The following ARHGAP18 variants were observed in gnomAD, a reference collection of about 807,000 sequenced individuals.
ARHGAP18 encodes rho GTPase-activating protein 18.
Under a neutral mutation model 86.2 loss-of-function variants are expected in ARHGAP18, and 67 were observed. The ratio of observed to expected loss-of-function variants is 0.78; its 90% confidence interval spans 0.64 to 0.95. ARHGAP18 has a LOEUF of 0.95. ARHGAP18 is among the 40% of genes least tolerant of loss of function. ARHGAP18 has a pLI of 0.00. For synonymous variants in ARHGAP18, 283 were observed against 280.4 expected, an observed-to-expected ratio of 1.01 and a Z score of -0.09; for missense variants, 691 against 780.4, an observed-to-expected ratio of 0.89 and a Z score of 1.37.
intron 6 of ARHGAP18, among the ~76,000 whole-genome samples, chr6:129,617,474 C>A (rs1170528855): frequency 6.6e-6 from 1 of 152,132 alleles, no homozygotes; most frequent in East Asian, 1.9e-4. Context: ...GGAAAAGATG[C>A]AATCTCAAGG....
intron 1 of ARHGAP18, among the ~76,000 whole-genome samples, chr6:129,673,067 A>G (rs1200317497): frequency 6.6e-6 from 1 of 152,196 alleles, no homozygotes; most frequent in Non-Finnish European, 1.5e-5. Flanking sequence ...TGAATACACC[A>G]ATGACTCATT....
intron 1 of ARHGAP18, among the ~76,000 whole-genome samples, chr6:129,655,618 G>C (rs1011393365): frequency 6.6e-6 from 1 of 151,226 alleles, no homozygotes; most frequent in Non-Finnish European, 1.5e-5. Flanking sequence ...TTTAACTCAG[G>C]TGTTTGAGGG....
intron 12 of ARHGAP18, among the ~76,000 whole-genome samples, chr6:129,585,346 C>T (rs1788375569): frequency 1.3e-5 from 2 of 151,854 alleles, no homozygotes; most frequent in South Asian, 4.2e-4. Flanking sequence ...ACAACAGATG[C>T]CACTAATTTG....
chr6:129,667,208 C>T (rs1187521657), intron 1 of ARHGAP18, among the ~76,000 whole-genome samples: 2 of 150,792 alleles, frequency 1.3e-5, no homozygotes, highest in African/African-American at 4.9e-5. Flanking sequence ...ATTTTTTTTT[C>T]CCATGGAATA....
At chr6:129,686,978 C>CTTTTTTTTTTTTTT (rs71028176) in intron 1 of ARHGAP18, among the ~76,000 whole-genome samples, 9 of 106,932 alleles carry the variant, frequency 8.4e-5, no homozygotes, top group East Asian at 2.6e-4. Context: ...TTTTTTTTTT[C>CTTTTTTTTTTTTTT]TTTTTTTTTT....
chr6:129,642,549 A>G (rs1192702075), intron 1 of ARHGAP18, among the ~76,000 whole-genome samples: 3 of 151,456 alleles, frequency 2.0e-5, no homozygotes, highest in African/African-American at 4.9e-5. Context: ...TCCCACCTCA[A>G]CCTCCCAAAG....
chr6:129,642,108 A>G (rs1773480700), intron 1 of ARHGAP18, 90 bp from the exon 2 acceptor site: 1 of 1,143,176 alleles, frequency 8.7e-7, no homozygotes, highest in Non-Finnish European at 1.3e-6. Context: ...TGGAGAATTT[A>G]TTAACTCCTT....
intron 1 of ARHGAP18, among the ~76,000 whole-genome samples, chr6:129,646,516 G>A (rs1033575536): frequency 4.6e-5 from 7 of 152,160 alleles, no homozygotes; most frequent in Middle Eastern, 6.8e-3. Flanking sequence ...TTATGTAGGC[G>A]ATATCTACTG....
At chr6:129,667,862 G>C (rs1385926802) in intron 1 of ARHGAP18, among the ~76,000 whole-genome samples, 4 of 152,082 alleles carry the variant, frequency 2.6e-5, no homozygotes, top group Non-Finnish European at 5.9e-5. Flanking sequence ...AATCAAGAAG[G>C]GAGAGGAGGG....
chr6:129,584,016 C>T lies in ARHGAP18; in HGVS notation c.1810G>A (p.Val604Ile), dbSNP rs1788340803. ...TCTTGGCTGAGAAACCTGGCAAGTA[C>T]ATCACTGGCTTTTAGTTCTTCAGTT... The part of the protein sequence containing the change: ...QLTEELKASD[V>I]LARFLSQESG... The change falls in exon 13 of 15, where the codon GTA (valine) becomes ATA (isoleucine). Residue 604 changes from valine (V) to isoleucine (I), a missense_variant. Physicochemically the swap from Val to Ile is conservative, Grantham distance 29 (BLOSUM62 3). Coordinates refer to ENST00000368149, the MANE Select transcript of ARHGAP18 (RefSeq NM_033515.3). The T allele has an allele frequency of 2.5e-6, 4 of 1,613,392 alleles. No individual in the cohort carries two copies. The African/African-American group carries it at 4.0e-5, about 16-fold the overall frequency.
At chr6:129,629,251 A>C (rs71543162) in intron 5 of ARHGAP18, 102 bp downstream of exon 5, 136,643 of 729,262 alleles carry the variant, frequency 0.19, 11,630 homozygotes, top group Middle Eastern at 0.23. Flanking sequence ...CTCTCTCTAT[A>C]TATATATATA....
chr6:129,606,200 G>A lies in ARHGAP18; in HGVS notation c.1283-241C>T, dbSNP rs188754323. On this transcript the variant is annotated intron_variant, in intron 9 of 14. Transcript: ENST00000368149. ...TTCCAACTGTGATCATATGACGTGC[G>A]GCCTTATGTTTGCAGACACACAACA... Among the ~76,000 whole-genome samples the A allele has an allele frequency of 4.3e-3, 649 of 152,198 alleles. 2 individuals carry two copies. The highest frequency in any genetic ancestry group is 0.014 in the African/African-American group (577 of 41,536).
At chr6:129,603,540 G>GCTCT (rs1788792533) in intron 10 of ARHGAP18, among the ~76,000 whole-genome samples, 1 of 152,128 alleles carries the variant, frequency 6.6e-6, no homozygotes, top group Admixed American at 6.6e-5. Flanking sequence ...TGGGTATGAT[G>GCTCT]TTACATCTTT....
intron 1 of ARHGAP18, among the ~76,000 whole-genome samples, chr6:129,692,928 C>T (rs528056846): frequency 1.6e-4 from 24 of 152,334 alleles, no homozygotes; most frequent in African/African-American, 5.5e-4. Context: ...TTCTCTCCCA[C>T]CAGCCAGCCC....
At position 129,641,833 on chromosome 6, in the gene ARHGAP18, A is replaced by G; in HGVS notation, c.299T>C (p.Val100Ala). ...GTTATTACCATCAGGCTCTTTGACA[A>G]CAACCACCTCTTGATCTTCTTGGCT... is the stretch of plus-strand genomic sequence containing the variant. ...ENSQEDQEVV[V>A]VKEPDEGELE... The change falls in exon 2 of 15, where the codon GTT (valine) becomes GCT (alanine). Residue 100 changes from valine to alanine, a missense_variant. Physicochemically the swap from Val to Ala is moderately conservative, Grantham distance 64. Transcript: ENST00000368149. The G allele has an allele frequency of 6.2e-7, 1 of 1,613,712 alleles. No homozygotes were observed. Among genetic ancestry groups the G allele is most frequent in the South Asian group, 1.1e-5 (1 of 91,042 alleles).
intron 12 of ARHGAP18, among the ~76,000 whole-genome samples, chr6:129,585,871 C>T (rs913167693): frequency 6.6e-6 from 1 of 152,198 alleles, no homozygotes; most frequent in Non-Finnish European, 1.5e-5. Context: ...CCACACCCCT[C>T]AATTCCTGCT....
chr6:129,710,047 C>T lies in ARHGAP18; in HGVS notation c.90G>A (p.Lys30=), dbSNP rs1330169195. The change falls in exon 1 of 15, where the codon AAG becomes AAA. Residue 30 remains lysine (K), a synonymous_variant. Transcript: ENST00000368149. ...ACCTCGAGGTGGCTTCCTCCCCTGC[C>T]TTTGCATGGCTGTTCCCGACGGTCT... ...KDQTVGNSHA[K]AGEEATSSRR... 2 of 1,614,100 alleles carry T rather than the reference C, an allele frequency of 1.2e-6. No individual in the cohort carries two copies. The highest frequency in any genetic ancestry group is 1.7e-5 in the Admixed American group (1 of 60,026).
At chr6:129,629,645 C>T in intron 4 of ARHGAP18, 123 bp from the exon 5 acceptor site, 1 of 1,006,900 alleles carries the variant, frequency 9.9e-7, no homozygotes, top group Non-Finnish European at 1.4e-6. Flanking sequence ...CAATACTTAG[C>T]CGTTATTTTA....
chr6:129,679,369 A>G (rs1370215607), intron 1 of ARHGAP18, among the ~76,000 whole-genome samples: 1 of 152,238 alleles, frequency 6.6e-6, no homozygotes. Flanking sequence ...AAGAACATAA[A>G]AAGAATAGGG....
Sources: gnomAD v4.1 joint callset for allele counts (sites outside exome capture counted in the v4.1 genomes callset) on GRCh38, gnomAD v4.1.1 for gene constraint, MANE v1.5 for transcripts, NCBI Gene and HGNC (gene_info 2026-07-23, HGNC 2026-07-21) for gene names.